The following RGS3 variants were observed in gnomAD, a reference collection of about 807,000 sequenced individuals.
RGS3 encodes regulator of G protein signaling 3.
In RGS3, 80 loss-of-function variants were observed where a neutral mutation model predicts 132.6. The observed-to-expected ratio is 0.60, with a 90% CI of 0.50 to 0.73. The LOEUF is 0.73. RGS3 is among the 30% of genes least tolerant of loss of function. RGS3 has a pLI of 0.00. For missense variants in RGS3, 1,382 were observed against 1,530.8 expected, an observed-to-expected ratio of 0.90 and a Z score of 1.62; for synonymous variants, 598 against 620.6, an observed-to-expected ratio of 0.96 and a Z score of 0.54.
In RGS3 at chr9:113,507,641, A is replaced by G; in HGVS notation, c.1437+3A>G. ...CCCCGCTGAATCCTGGGAGCCAGGT[A>G]CGGACAGCTGGTGTGGGGAAGGTGA... On this transcript the variant is annotated splice_donor_region_variant and intron_variant, in intron 13 of 24. Transcript: ENST00000350696. This position sits in a 1 kb window ranked among gnomAD's most constrained non-coding sequence, Gnocchi z 5.0. 6.9e-7 allele frequency: 1 copy of G among 1,456,738 alleles called. No homozygotes were observed. The highest frequency in any genetic ancestry group is 9.1e-7 in the Non-Finnish European group (1 of 1,099,934). 90.2% of individuals were successfully genotyped at this position (1,456,738 alleles called of 1,614,324 possible). A position where few individuals can be genotyped will look rare whatever the true frequency, so the allele number is the denominator to read the frequency against.
intron 19 of RGS3, among the ~76,000 whole-genome samples, chr9:113,555,611 C>T (rs576506224): frequency 1.1e-4 from 17 of 152,020 alleles, no homozygotes; most frequent in South Asian, 2.1e-4. Context: ...GGATTACAGG[C>T]GCCCGCCACC....
intron 20 of RGS3, among the ~76,000 whole-genome samples, chr9:113,586,616 G>T (rs1200138504): frequency 1.3e-5 from 2 of 152,200 alleles, no homozygotes; most frequent in African/African-American, 4.8e-5. Context: ...CCTGGTGGTG[G>T]CCACCCTTCC....
rs1044518466 is a variant in RGS3 at position 113,541,685 on chromosome 9, A to G, written c.2037+4767A>G. 8.2e-6 allele frequency: 9 copies of G among 1,094,422 alleles called. No individual in the cohort carries two copies. The African/African-American group carries it at 1.3e-4, about 16-fold the overall frequency. 67.8% of individuals were successfully genotyped at this position (1,094,422 alleles called of 1,614,324 possible). ...GAGGACTCAGAGGCTTCTTCCTTCC[A>G]AGGAGGAGGAGGAGGAGGACATTCC... On this transcript the variant is annotated intron_variant, in intron 19 of 24. Transcript: ENST00000350696.
chr9:113,568,145 C>A (rs925402788), intron 19 of RGS3, among the ~76,000 whole-genome samples: 1 of 152,250 alleles, frequency 6.6e-6, no homozygotes, highest in East Asian at 1.9e-4. Context: ...AGGTGACATG[C>A]GACTCAGCAG....
chr9:113,567,775 A>T (rs1361942464), intron 19 of RGS3, among the ~76,000 whole-genome samples: 1 of 152,182 alleles, frequency 6.6e-6, no homozygotes, highest in Non-Finnish European at 1.5e-5. Context: ...ATGCTGAAGG[A>T]CCTTTGCACA....
chr9:113,516,568 A>G (rs570105043), intron 15 of RGS3, among the ~76,000 whole-genome samples: 1 of 152,080 alleles, frequency 6.6e-6, no homozygotes, highest in Non-Finnish European at 1.5e-5. Flanking sequence ...CATGTTGGCC[A>G]GGCTGGTCTC....
Position 113,565,042 on chromosome 9 carries a change from C to A in RGS3, c.2038-18408C>A, listed in dbSNP as rs1394455285. 1.8e-6 allele frequency: 2 copies of A among 1,121,738 alleles called. No individual in the cohort carries two copies. The highest frequency in any genetic ancestry group is 2.2e-6 in the Non-Finnish European group (2 of 906,594). 69.5% of individuals were successfully genotyped at this position (1,121,738 alleles called of 1,614,324 possible). A position where few individuals can be genotyped will look rare whatever the true frequency, so the allele number is the denominator to read the frequency against. On this transcript the variant is annotated intron_variant, in intron 19 of 24. Coordinates refer to ENST00000350696, the Ensembl canonical transcript of RGS3. This position sits in a 1 kb window ranked among gnomAD's most constrained non-coding sequence, Gnocchi z 5.7. ...CCCTCAGGATGTGTGTGGGGTGGAG[C>A]CTGCTAGGGATCCCAGTGCCAGGGG...
intron 19 of RGS3, among the ~76,000 whole-genome samples, chr9:113,545,229 G>A (rs1833059627): frequency 2.0e-5 from 3 of 152,252 alleles, no homozygotes; most frequent in Admixed American, 2.0e-4. Context: ...GAGAGGTATA[G>A]CTTCAGGCTC....
chr9:113,495,466 C>A (rs1430592453), intron 7 of RGS3, among the ~76,000 whole-genome samples: 1 of 152,166 alleles, frequency 6.6e-6, no homozygotes, highest in Non-Finnish European at 1.5e-5. Flanking sequence ...GGGACCAGCT[C>A]TTCAGATCTA....
At chr9:113,478,112 A>C (rs1830050784) in intron 3 of RGS3, among the ~76,000 whole-genome samples, 1 of 152,166 alleles carries the variant, frequency 6.6e-6, no homozygotes, top group Non-Finnish European at 1.5e-5. Flanking sequence ...AAATTTAAAC[A>C]AAAATGGGAA....
At chr9:113,471,723 C>A (rs1057114708) in intron 3 of RGS3, among the ~76,000 whole-genome samples, 4 of 152,100 alleles carry the variant, frequency 2.6e-5, no homozygotes, top group Non-Finnish European at 5.9e-5. Context: ...TCCGAGCAGG[C>A]ATTACTGGGG....
At chr9:113,482,572 G>A (rs1367911964) in intron 4 of RGS3, among the ~76,000 whole-genome samples, 2 of 152,172 alleles carry the variant, frequency 1.3e-5, no homozygotes, top group Non-Finnish European at 2.9e-5. Context: ...CATGGTGAGT[G>A]GCCCCTTCAT....
At position 113,569,635 on chromosome 9, in the gene RGS3, T is replaced by TTCCTTCCC. The variant is rs1299713452; in HGVS notation, c.2038-13807_2038-13800dup. Reference sequence around the variant, plus strand: ...CTTCCTTCCTTCCTTCCTTCCTTCCTTCCTTCCCTCCTTCCTTCCATGTGT... The same window carrying TTCCTTCCC: ...CTTCCTTCCTTCCTTCCTTCCTTCCTTCCTTCCCTCCTTCCCTCCTTCCTTCCATGTGT... On this transcript the variant is annotated intron_variant, in intron 19 of 24. Transcript: ENST00000350696. 2.7e-5 allele frequency among the ~76,000 whole-genome samples: 4 copies of TTCCTTCCC among 146,594 alleles called. 1 individual carries two copies. Among genetic ancestry groups the TTCCTTCCC allele is most frequent in the East Asian group, 2.0e-4 (1 of 5,020 alleles).
In RGS3 at chr9:113,575,758, G is replaced by A. The variant is rs533514343; in HGVS notation, c.2038-7692G>A. ...GTCAGAAAGAAGTAAAAAGGCCTGG[G>A]CCTTACTCCTAGGGACTGTGATGCA... On this transcript the variant is annotated intron_variant, in intron 19 of 24. Transcript: ENST00000350696. 7.4e-4 allele frequency among the ~76,000 whole-genome samples: 112 copies of A among 152,314 alleles called. 1 individual carries two copies. The highest frequency in any genetic ancestry group is 2.4e-3 in the African/African-American group (101 of 41,582).
At position 113,583,607 on chromosome 9, in the gene RGS3, A is replaced by G. The variant is rs1187254423; in HGVS notation, c.2195A>G (p.Gln732Arg). The G allele has an allele frequency of 3.1e-6, 5 of 1,614,046 alleles. No individual in the cohort carries two copies. In the African/African-American group the frequency reaches 5.3e-5, roughly 17 times the overall value. ...CCCAACAAGGACTCCCCTTCTGGGC[A>G]GGAACCCGCTCCCAGCCAAGAACCA... The change falls in exon 20 of 25, where the codon CAG (glutamine) becomes CGG (arginine). Residue 732 changes from glutamine (Q) to arginine (R), a missense_variant. By Grantham distance (43) the Gln-to-Arg change is conservative. Transcript: ENST00000350696.
At chr9:113,541,639 C>T in intron 19 of RGS3, 2 of 1,200,722 alleles carry the variant, frequency 1.7e-6, no homozygotes, top group Non-Finnish European at 2.1e-6. Context: ...CAGAGACTGG[C>T]AGCAGAAAGT....
At chr9:113,562,395 TGAATCCAGGAGGCAGAGG>T (rs1833829292) in intron 19 of RGS3, among the ~76,000 whole-genome samples, 2 of 147,990 alleles carry the variant, frequency 1.4e-5, no homozygotes, top group Non-Finnish European at 3.0e-5. Context: ...GAGAATTGCC[TGAATCCAGGAGGCAGAGG>T]TTGCAGTGAG....
chr9:113,498,833 C>T (rs1451205207), intron 10 of RGS3, among the ~76,000 whole-genome samples: 1 of 148,940 alleles, frequency 6.7e-6, no homozygotes, highest in African/African-American at 2.5e-5. Context: ...AGGAGAATCA[C>T]TTGAACCCAG....
intron 14 of RGS3, among the ~76,000 whole-genome samples, chr9:113,513,751 G>A (rs974182720): frequency 5.9e-5 from 9 of 152,196 alleles, no homozygotes; most frequent in Admixed American, 2.6e-4. Flanking sequence ...AAGCTTGTGC[G>A]CTTTCCTGTG....
Sources: gnomAD v4.1 joint callset for allele counts (sites outside exome capture counted in the v4.1 genomes callset) on GRCh38, gnomAD v4.1.1 for gene constraint, Gnocchi (gnomAD v3.1) non-coding constraint, MANE v1.5 for transcripts, NCBI Gene and HGNC (gene_info 2026-07-23, HGNC 2026-07-21) for gene names.